PRKCH: variants seen among roughly 807,000 people sequenced by gnomAD.
PRKCH encodes protein kinase C eta type.
In PRKCH, 28 loss-of-function variants were observed where a neutral mutation model predicts 82.5. The observed-to-expected ratio is 0.34, with a 90% CI of 0.25 to 0.47. The LOEUF (loss-of-function observed/expected upper bound fraction) is 0.47, where lower values mean the gene tolerates loss of function less well. Among genes scored for constraint, PRKCH ranks in the 20% least tolerant of loss-of-function variants. PRKCH has a pLI of 1.00. For synonymous variants in PRKCH, 322 were observed against 327.4 expected (o/e 0.98, Z 0.18); for missense variants, 705 against 881.8 (o/e 0.80, Z 2.54).
intron 1 of PRKCH, among the ~76,000 whole-genome samples, chr14:61,365,743 G>A (rs1438090145): frequency 6.6e-6 from 1 of 152,024 alleles, no homozygotes; most frequent in African/African-American, 2.4e-5. Context: ...TAAAGAGGCA[G>A]AAGATACGAT....
At chr14:61,505,966 G>A (rs2245442) in intron 10 of PRKCH, among the ~76,000 whole-genome samples, 133,543 of 152,074 alleles carry the variant, frequency 0.88, 58,673 homozygotes, top group East Asian at 0.95. Flanking sequence ...AGGAGCCCCG[G>A]GCCAGACCCA....
chr14:61,411,377 C>T (rs1187296226), intron 2 of PRKCH, among the ~76,000 whole-genome samples: 1 of 152,168 alleles, frequency 6.6e-6, no homozygotes, highest in African/African-American at 2.4e-5. Flanking sequence ...ATTTATTAGG[C>T]CTTAAACTGA....
chr14:61,327,216 C>A, intron 1 of PRKCH: 1 of 433,150 alleles, frequency 2.3e-6, no homozygotes, highest in Non-Finnish European at 4.7e-6. Context: ...TCAGGTGAAG[C>A]AGCCATGTTA....
chr14:61,523,406 C>T (rs182897018), intron 10 of PRKCH, among the ~76,000 whole-genome samples: 4 of 152,096 alleles, frequency 2.6e-5, no homozygotes, highest in Admixed American at 1.3e-4. Context: ...ACAATCTATC[C>T]GGGGGATTGG....
chr14:61,318,757 A>G (rs149854238), upstream of PRKCH, among the ~76,000 whole-genome samples: 1,340 of 151,788 alleles, frequency 8.8e-3, 10 homozygotes, highest in Middle Eastern at 0.017. Flanking sequence ...GTCTCCCCAC[A>G]CTCGTGCTGC....
chr14:61,417,005 A>G lies in PRKCH; in HGVS notation c.427+25717A>G, dbSNP rs138020451. On this transcript the variant is annotated intron_variant, in intron 2 of 13. Coordinates refer to ENST00000332981, the MANE Select transcript of PRKCH (RefSeq NM_006255.5). ...GACAACAGGAAAATTGCCACCCAAC[A>G]TTGTTTTAACACTTAAAAATTAGAG... is the stretch of plus-strand genomic sequence containing the variant. 2.9e-3 allele frequency among the ~76,000 whole-genome samples: 436 copies of G among 152,276 alleles called. 4 individuals carry two copies. Among genetic ancestry groups the G allele is most frequent in the South Asian group, 0.018 (85 of 4,822 alleles).
At chr14:61,385,301 T>C in intron 1 of PRKCH, among the ~76,000 whole-genome samples, 1 of 149,766 alleles carries the variant, frequency 6.7e-6, no homozygotes, top group Non-Finnish European at 1.5e-5. Flanking sequence ...AGAAGGGGAG[T>C]GAATGAACTG....
At chr14:61,290,210 T>G (rs1368757398) in intron 1 of PRKCH, among the ~76,000 whole-genome samples, 1 of 151,704 alleles carries the variant, frequency 6.6e-6, no homozygotes, top group Non-Finnish European at 1.5e-5. Flanking sequence ...GAGAATTGCT[T>G]GAACCTGGGA....
At chr14:61,342,514 G>A (rs150465154) in intron 1 of PRKCH, among the ~76,000 whole-genome samples, 27 of 152,194 alleles carry the variant, frequency 1.8e-4, no homozygotes, top group Non-Finnish European at 2.4e-4. Context: ...CTGAATTGTC[G>A]GCTTAAACCT....
chr14:61,198,833 C>T (rs1179507713), intron 1 of PRKCH, among the ~76,000 whole-genome samples: 1 of 152,172 alleles, frequency 6.6e-6, no homozygotes, highest in Non-Finnish European at 1.5e-5. Context: ...GGCCAATCAG[C>T]AGAAATAAAC....
At chr14:61,281,273 G>A (rs1188589074) in intron 1 of PRKCH, 4 of 491,140 alleles carry the variant, frequency 8.1e-6, no homozygotes, top group Non-Finnish European at 1.3e-5. Flanking sequence ...GCTCAGGTGG[G>A]TTTTTGCCCG....
At chr14:61,468,255 T>A (rs1885347499) in intron 9 of PRKCH, among the ~76,000 whole-genome samples, 1 of 152,252 alleles carries the variant, frequency 6.6e-6, no homozygotes, top group African/African-American at 2.4e-5. Context: ...AGTTTGCCTT[T>A]GGCTCAGATC....
chr14:61,475,752 T>C (rs1480044705), intron 9 of PRKCH, among the ~76,000 whole-genome samples: 5 of 152,230 alleles, frequency 3.3e-5, no homozygotes, highest in Admixed American at 2.6e-4. Flanking sequence ...ACTTTTTCCT[T>C]TCTGTTTTTA....
At chr14:61,255,808 G>A (rs1198186507) in intron 1 of PRKCH, among the ~76,000 whole-genome samples, 1 of 152,096 alleles carries the variant, frequency 6.6e-6, no homozygotes, top group Non-Finnish European at 1.5e-5. Flanking sequence ...AATAATTTTG[G>A]ATAACACATT....
intron 2 of PRKCH, among the ~76,000 whole-genome samples, chr14:61,411,664 C>T (rs570499173): frequency 2.0e-5 from 3 of 152,070 alleles, no homozygotes; most frequent in East Asian, 3.9e-4. Flanking sequence ...CATGTGGAGC[C>T]CAGCAGACTC....
At chr14:61,395,806 G>A (rs569621275) in intron 2 of PRKCH, among the ~76,000 whole-genome samples, 5 of 152,232 alleles carry the variant, frequency 3.3e-5, no homozygotes, top group East Asian at 3.9e-4. Flanking sequence ...ATGGCCAGGC[G>A]TGGTGTCTCA....
At chr14:61,236,726 A>G (rs111335788) in intron 1 of PRKCH, among the ~76,000 whole-genome samples, 22 of 147,138 alleles carry the variant, frequency 1.5e-4, no homozygotes, top group Middle Eastern at 3.5e-3. Flanking sequence ...AAAAAAAAAA[A>G]AAAAAGAAAA....
intron 1 of PRKCH, among the ~76,000 whole-genome samples, chr14:61,190,637 G>A (rs2044400762): frequency 6.6e-6 from 1 of 152,142 alleles, no homozygotes; most frequent in Admixed American, 6.5e-5. Flanking sequence ...TCCCACTCCA[G>A]CCTGTCTCCC....
At chr14:61,188,845 G>A (rs920695829) in intron 1 of PRKCH, among the ~76,000 whole-genome samples, 1 of 151,732 alleles carries the variant, frequency 6.6e-6, no homozygotes, top group Non-Finnish European at 1.5e-5. Context: ...TCAGCCTCCC[G>A]AGCAACTGAG....
Sources: allele counts gnomAD v4.1 joint callset (sites outside exome capture counted in the v4.1 genomes callset), GRCh38; gene constraint gnomAD v4.1.1; transcripts MANE v1.5; gene names NCBI Gene and HGNC (gene_info 2026-07-23, HGNC 2026-07-21).